The following RBFOX1 variants were observed in gnomAD, a reference collection of about 807,000 sequenced individuals.
The protein encoded by RBFOX1 is RNA binding protein fox-1 homolog 1.
Under a neutral mutation model 57.7 loss-of-function variants are expected in RBFOX1, and 8 were observed. That is an observed-to-expected ratio of 0.14 (90% CI 0.08 to 0.25). The LOEUF is 0.25. Ranked by LOEUF, RBFOX1 falls within the 10% of genes least tolerant of loss-of-function variation. The pLI is 1.00. For synonymous variants in RBFOX1, 326 were observed against 222.4 expected (o/e 1.47, Z -4.15); for missense variants, 611 against 548.5 (o/e 1.11, Z -1.14).
At chr16:6,624,276 G>A (rs1266759640) in intron 2 of RBFOX1, among the ~76,000 whole-genome samples, 1 of 152,186 alleles carries the variant, frequency 6.6e-6, no homozygotes, top group Non-Finnish European at 1.5e-5. Flanking sequence ...TGCTTCCTTT[G>A]CAAAAGTACC....
At chr16:6,647,914 T>A (rs972459629) in intron 2 of RBFOX1, among the ~76,000 whole-genome samples, 13 of 152,188 alleles carry the variant, frequency 8.5e-5, no homozygotes, top group African/African-American at 3.1e-4. Context: ...CAATCTCGGC[T>A]TACTGCAACA....
rs1031341200 is a variant in RBFOX1 at position 6,826,581 on chromosome 16, C to G, written c.-16+171931C>G. ...GCGGGCATGCGTGCTCTCACGTGCT[C>G]TATTCCTCCTCTCTTTGGTCCCTCT... On this transcript the variant is annotated intron_variant, in intron 3 of 15. Coordinates refer to ENST00000550418, the MANE Select transcript of RBFOX1 (RefSeq NM_018723.4). Among the ~76,000 whole-genome samples, 41 of 152,134 alleles carry G rather than the reference C, an allele frequency of 2.7e-4. 1 individual carries two copies. Among genetic ancestry groups the G allele is most frequent in the Non-Finnish European group, 2.9e-5 (2 of 68,026 alleles).
At chr16:6,976,390 T>C (rs1176841257) in intron 3 of RBFOX1, among the ~76,000 whole-genome samples, 2 of 152,162 alleles carry the variant, frequency 1.3e-5, no homozygotes, top group Non-Finnish European at 2.9e-5. Flanking sequence ...CAAATATCAT[T>C]TTCAGAATCC....
chr16:7,375,460 A>G (rs1177014379), intron 4 of RBFOX1, among the ~76,000 whole-genome samples: 1 of 152,058 alleles, frequency 6.6e-6, no homozygotes, highest in East Asian at 1.9e-4. Flanking sequence ...CAGGAAAGAG[A>G]GACCTGCATT....
At chr16:6,523,032 C>T (rs1370715653) in intron 2 of RBFOX1, among the ~76,000 whole-genome samples, 1 of 152,186 alleles carries the variant, frequency 6.6e-6, no homozygotes. Flanking sequence ...AAGAAAACTC[C>T]TTCCTGGGAG....
chr16:6,680,148 G>T (rs562773400), intron 3 of RBFOX1, among the ~76,000 whole-genome samples: 7 of 152,090 alleles, frequency 4.6e-5, no homozygotes, highest in African/African-American at 1.7e-4. Flanking sequence ...ACATAGGGTT[G>T]TGTTTGGGAA....
In RBFOX1 at chr16:7,710,713, C is replaced by G. The variant is rs780406377; in HGVS notation, c.1162C>G (p.Arg388Gly). 2 of 1,607,216 alleles carry G rather than the reference C, an allele frequency of 1.2e-6. No individual in the cohort carries two copies. Among genetic ancestry groups the G allele is most frequent in the Non-Finnish European group, 8.5e-7 (1 of 1,177,098 alleles). Residue 388 changes from arginine to glycine, a missense_variant, in exon 16 of 16, where the codon CGA (arginine) becomes GGA (glycine). By Grantham distance (125) the Arg-to-Gly change is moderately radical. This residue lies in a region of RBFOX1 where 267 missense variants were observed against 229.1 expected (regional missense o/e 1.17). Transcript: ENST00000550418. The part of the protein sequence containing the change: ...VLSSLQASIY[R>G]GGYNRFAPY ...TTCTTCATTGCAGGCTAGTATATAC[C>G]GAGGGGGATACAACCGTTTTGCTCC...
intron 3 of RBFOX1, among the ~76,000 whole-genome samples, chr16:5,695,873 G>C (rs1258512160): frequency 6.6e-6 from 1 of 152,100 alleles, no homozygotes; most frequent in Non-Finnish European, 1.5e-5. Flanking sequence ...CATTCACTAT[G>C]CATATATGTG....
intron 4 of RBFOX1, among the ~76,000 whole-genome samples, chr16:7,231,252 G>T (rs2093477108): frequency 6.6e-6 from 1 of 152,182 alleles, no homozygotes; most frequent in Non-Finnish European, 1.5e-5. Flanking sequence ...GCTGGGCAAA[G>T]AAATAAGGGA....
At chr16:7,598,657 T>C (rs571879814) in intron 9 of RBFOX1, among the ~76,000 whole-genome samples, 138 of 152,306 alleles carry the variant, frequency 9.1e-4, no homozygotes, top group African/African-American at 3.2e-3. Context: ...ATATATGTAG[T>C]AGGTGTTCAT....
chr16:7,620,678 G>A (rs745883725), intron 10 of RBFOX1, among the ~76,000 whole-genome samples: 5 of 152,208 alleles, frequency 3.3e-5, no homozygotes, highest in African/African-American at 7.2e-5. Context: ...TTGTAATGGG[G>A]GTAATGGATA....
At chr16:6,431,061 C>G (rs1320253940) in intron 2 of RBFOX1, among the ~76,000 whole-genome samples, 3 of 151,872 alleles carry the variant, frequency 2.0e-5, no homozygotes, top group Non-Finnish European at 4.4e-5. Context: ...TTGCCTGAGC[C>G]CAGGAGTTTG....
At chr16:6,434,551 G>A (rs2094183424) in intron 2 of RBFOX1, among the ~76,000 whole-genome samples, 2 of 152,110 alleles carry the variant, frequency 1.3e-5, no homozygotes, top group African/African-American at 4.8e-5. Flanking sequence ...CATAGTGCCT[G>A]GCACATAGGA....
Position 5,476,070 on chromosome 16 carries a change from G to GC in RBFOX1, c.258+8821dup, listed in dbSNP as rs199662574. Among the ~76,000 whole-genome samples, 632 of 152,188 alleles carry GC rather than the reference G, an allele frequency of 4.2e-3. 3 individuals carry two copies. The highest frequency in any genetic ancestry group is 0.014 in the Middle Eastern group (4 of 294). On this transcript the variant is annotated intron_variant, in intron 2 of 2. Coordinates refer to the RBFOX1 transcript ENST00000585867. ...TCCCTGCCTTGTTTCCAGCCACAGT[G>GC]CCCCCTCCTTCTCTTAGACTTATGT... is the stretch of plus-strand genomic sequence containing the variant.
At chr16:5,404,936 A>C (rs184972561) in intron 1 of RBFOX1, among the ~76,000 whole-genome samples, 1 of 152,328 alleles carries the variant, frequency 6.6e-6, no homozygotes, top group African/African-American at 2.4e-5. Flanking sequence ...GGTCTGAGGA[A>C]CTTTTGGAGT....
intron 3 of RBFOX1, among the ~76,000 whole-genome samples, chr16:6,730,449 A>T (rs74506817): frequency 0.91 from 137,710 of 152,074 alleles, 63,979 homozygotes; most frequent in East Asian, 1. Context: ...TCAATTTATC[A>T]AATTATCTAA....
At chr16:7,487,499 G>C (rs1403516901) in intron 4 of RBFOX1, among the ~76,000 whole-genome samples, 1 of 152,178 alleles carries the variant, frequency 6.6e-6, no homozygotes, top group Non-Finnish European at 1.5e-5. Flanking sequence ...CTAAATATTA[G>C]TTGAGTAAAT....
chr16:5,334,831 T>C (rs1444858722), intron 1 of RBFOX1, among the ~76,000 whole-genome samples: 1 of 151,560 alleles, frequency 6.6e-6, no homozygotes, highest in African/African-American at 2.4e-5. Flanking sequence ...CAGTTGGCCA[T>C]CTTTAAGCAT....
intron 3 of RBFOX1, among the ~76,000 whole-genome samples, chr16:6,795,827 A>G (rs1301626480): frequency 6.6e-6 from 1 of 151,750 alleles, no homozygotes; most frequent in African/African-American, 2.4e-5. Flanking sequence ...TTTCATGAGA[A>G]AACAAGAAAT....
Sources: allele counts gnomAD v4.1 joint callset (sites outside exome capture counted in the v4.1 genomes callset), GRCh38; gene constraint gnomAD v4.1.1; regional missense constraint gnomAD v4.1.1; transcripts MANE v1.5; gene names NCBI Gene and HGNC (gene_info 2026-07-23, HGNC 2026-07-21).